The following ITIH4 variants were observed in gnomAD, a reference collection of about 807,000 sequenced individuals.
The protein encoded by ITIH4 is inter-alpha-trypsin inhibitor heavy chain 4, also known as inter-alpha-trypsin inhibitor heavy chain H4.
A neutral mutation model predicts 111.8 loss-of-function variants in ITIH4; 79 were observed. The observed-to-expected ratio is 0.71, with a 90% CI of 0.59 to 0.85. ITIH4 has a LOEUF of 0.85. Among genes scored for constraint, ITIH4 ranks in the 40% least tolerant of loss-of-function variants. ITIH4 has a pLI of 0.00. For missense variants in ITIH4, 1,065 were observed against 1,195.8 expected (o/e 0.89, Z 1.61); for synonymous variants, 472 against 468.3 (o/e 1.01, Z -0.10).
chr3:52,815,477 G>A (rs34288509), intron 21 of ITIH4, among the ~76,000 whole-genome samples: 1 of 151,648 alleles, frequency 6.6e-6, no homozygotes, highest in African/African-American at 2.4e-5. Flanking sequence ...CCTGACCTTA[G>A]GTGATCCACC....
At position 52,813,262 on chromosome 3, in the gene ITIH4, A is replaced by G. The variant is rs898691494; in HGVS notation, c.*159T>C. 6 of 676,088 alleles carry G rather than the reference A, an allele frequency of 8.9e-6. No individual in the cohort carries two copies. The highest frequency in any genetic ancestry group is 2.5e-5 in the Admixed American group (1 of 39,388). 41.9% of individuals were successfully genotyped at this position (676,088 alleles called of 1,614,324 possible). On this transcript the variant is annotated 3_prime_UTR_variant, in exon 24 of 24. Coordinates refer to ENST00000266041, the MANE Select transcript of ITIH4 (RefSeq NM_002218.5). ...GGTTGAGGCCCTAGGATTTGGCCAC[A>G]TGGAACTGGAGACACCCACTTCCCA...
Position 52,825,877 on chromosome 3 carries a change from T to C in ITIH4, c.759+9A>G, listed in dbSNP as rs373298850. The stretch of plus-strand genomic sequence containing the variant: ...TAGGCTGCTCTGCTCTTGCCTGAAG[T>C]CCACCCACCTGAATGGAGCCCCCGG... On this transcript the variant is annotated intron_variant, in intron 6 of 23. Coordinates refer to ENST00000266041, the MANE Select transcript of ITIH4 (RefSeq NM_002218.5). 10 of 1,612,558 alleles carry C rather than the reference T, an allele frequency of 6.2e-6. No homozygotes were observed. The highest frequency in any genetic ancestry group is 7.6e-6 in the Non-Finnish European group (9 of 1,179,328).
Position 52,824,916 on chromosome 3 carries a change from G to A in ITIH4, c.802C>T (p.Leu268=), listed in dbSNP as rs1700459175. The A allele has an allele frequency of 6.2e-7, 1 of 1,613,906 alleles. No individual in the cohort carries two copies. Among genetic ancestry groups the A allele is most frequent in the African/African-American group, 1.3e-5 (1 of 74,926 alleles). The change falls in exon 7 of 24, where the codon CTA becomes TTA. Residue 268 remains leucine, a synonymous_variant. Transcript: ENST00000266041. This position sits in a 1 kb window ranked among gnomAD's most constrained non-coding sequence, Gnocchi z 4.3. ...ACCACATTCTTGGGCATTGTGGTTA[G>A]GCCCTCGGGGGCAAAGTAGTGTACA... ...YFVHYFAPEG[L]TTMPKNVVFV...
Position 52,813,453 on chromosome 3 carries a change from C to T in ITIH4, c.2761G>A (p.Val921Met), listed in dbSNP as rs1275719887. Residue 921 changes from valine (V) to methionine (M), a missense_variant, in exon 24 of 24, where the codon GTG becomes ATG. By Grantham distance (21) the Val-to-Met change is conservative. Transcript: ENST00000266041. ...RLDYQEGPPG[V>M]EISCWSVEL Reference sequence around the variant, plus strand: ...TCCACAGACCAGCAGGAAATCTCCACTCCCGGGGGCCCCTCCTGGTAATCC... The same window carrying T: ...TCCACAGACCAGCAGGAAATCTCCATTCCCGGGGGCCCCTCCTGGTAATCC... 5 of 1,614,158 alleles carry T rather than the reference C, an allele frequency of 3.1e-6. No homozygotes were observed. Among genetic ancestry groups the T allele is most frequent in the Non-Finnish European group, 4.2e-6 (5 of 1,180,010 alleles).
chr3:52,818,595 A>T, intron 17 of ITIH4, 59 bp from the exon 18 acceptor site: 1 of 1,437,396 alleles, frequency 7.0e-7, no homozygotes, highest in Non-Finnish European at 9.6e-7. Flanking sequence ...GAGGCGGGCA[A>T]CCAGCAGCGC....
chr3:52,823,766 G>C, intron 10 of ITIH4, 25 bp from the exon 11 acceptor site: 1 of 1,614,030 alleles, frequency 6.2e-7, no homozygotes, highest in Non-Finnish European at 8.5e-7. Flanking sequence ...GTGTCATAAA[G>C]GCTGGGCTTT....
At position 52,818,472 on chromosome 3, in the gene ITIH4, C is replaced by G. The variant is rs2256734; in HGVS notation, c.2142G>C (p.Met714Ile). Residue 714 changes from methionine (M) to isoleucine (I), a missense_variant, in exon 18 of 24, where the codon ATG becomes ATC. By Grantham distance (10) the Met-to-Ile change is conservative. Transcript: ENST00000266041. ...PDPAVSRVMN[M>I]KIEETTMTTQ... is the part of the protein sequence containing the mutation. ...TGGCCTTGGGGGCACCTTCGATTTT[C>G]ATATTCATGACACGAGACACAGCTG... The G allele has an allele frequency of 0.032, 50,910 of 1,602,668 alleles. 7,437 individuals are homozygous for G. The African/African-American group carries it at 0.36, about 11-fold the overall frequency.
chr3:52,814,021 C>T lies in ITIH4; in HGVS notation c.2677G>A (p.Gly893Ser), dbSNP rs151083454. Residue 893 changes from glycine to serine, a missense_variant, in exon 23 of 24, where the codon GGC becomes AGC. Transcript: ENST00000266041. Reference protein sequence around the residue: ...LWGSPAASDDGRRTLRVQGND... With the variant: ...LWGSPAASDDSRRTLRVQGND... The stretch of plus-strand genomic sequence containing the variant: ...CCCTGAACCCTCAGCGTGCGTCTGC[C>T]GTCATCTGATGCTGCTGGAGATCCC... 5.7e-3 allele frequency: 9,266 copies of T among 1,613,802 alleles called. 62 individuals are homozygous for T. The highest frequency in any genetic ancestry group is 0.018 in the South Asian group (1,600 of 91,024).
intron 2 of ITIH4, among the ~76,000 whole-genome samples, chr3:52,827,856 G>A (rs952483632): frequency 6.6e-6 from 1 of 152,248 alleles, no homozygotes; most frequent in African/African-American, 2.4e-5. Flanking sequence ...AATGGCCCAG[G>A]CCATTTCTCA....
Position 52,816,890 on chromosome 3 carries a change from A to T in ITIH4, c.2465T>A (p.Met822Lys), listed in dbSNP as rs1337603057. The stretch of plus-strand genomic sequence containing the variant: ...GCTCCAGCCTGGGCCTTACCCGGGC[A>T]TCACTGAGAATAGCGTCTCCTTCCA... ...YKWKETLFSV[M>K]PGLKMTMDKT... Residue 822 changes from methionine to lysine, a missense_variant, in exon 21 of 24, where the codon ATG (methionine) becomes AAG (lysine). Coordinates refer to ENST00000266041, the MANE Select transcript of ITIH4 (RefSeq NM_002218.5). The T allele has an allele frequency of 6.2e-7, 1 of 1,613,416 alleles. No individual in the cohort carries two copies. The highest frequency in any genetic ancestry group is 1.7e-5 in the Admixed American group (1 of 59,940).
chr3:52,825,804 C>A, intron 6 of ITIH4, 82 bp downstream of exon 6: 1 of 1,486,482 alleles, frequency 6.7e-7, no homozygotes, highest in Non-Finnish European at 9.1e-7. Context: ...TGGTTCTTTT[C>A]CTGTTCTAAA....
chr3:52,822,498 A>G (rs964476679), intron 11 of ITIH4, among the ~76,000 whole-genome samples: 1 of 152,226 alleles, frequency 6.6e-6, no homozygotes, highest in African/African-American at 2.4e-5. Flanking sequence ...ACGGCCTCCA[A>G]GCTAAATCAC....
Position 52,824,650 on chromosome 3 carries a change from T to A in ITIH4, c.877-85A>T. 1 of 1,434,980 alleles carries A rather than the reference T, an allele frequency of 7.0e-7. No individual in the cohort carries two copies. The highest frequency in any genetic ancestry group is 1.9e-5 in the Admixed American group (1 of 52,286). 88.9% of individuals were successfully genotyped at this position (1,434,980 alleles called of 1,614,324 possible). On this transcript the variant is annotated intron_variant, in intron 7 of 23. Transcript: ENST00000266041. This position sits in a 1 kb window ranked among gnomAD's most constrained non-coding sequence, Gnocchi z 4.3. ...TAGGGCTGGCATCCTTGGACTCCTG[T>A]CTCAGGGGTGAGGTCATGGTATCTG...
In ITIH4 at chr3:52,814,977, C is replaced by A. The variant is rs115784791; in HGVS notation, c.2472-614G>T. ...CCACTCTGTCCCTTTTGTTCTACAG[C>A]TGGTGCACTCTCTTTGGATGACTTG... On this transcript the variant is annotated intron_variant, in intron 21 of 23. Transcript: ENST00000266041. Among the ~76,000 whole-genome samples, 205 of 152,356 alleles carry A rather than the reference C, an allele frequency of 1.3e-3. 2 individuals carry two copies. The highest frequency in any genetic ancestry group is 4.7e-3 in the African/African-American group (196 of 41,588).
intron 5 of ITIH4, among the ~76,000 whole-genome samples, 191 bp downstream of exon 5, chr3:52,826,350 C>G (rs4687658): frequency 0.25 from 37,333 of 152,150 alleles, 4,850 homozygotes; most frequent in Admixed American, 0.37. Context: ...ACGAGGACGC[C>G]ATGGTCCTTC....
chr3:52,830,647 G>C lies in ITIH4; in HGVS notation c.-5C>G. The C allele has an allele frequency of 6.2e-7, 1 of 1,600,748 alleles. No homozygotes were observed. The highest frequency in any genetic ancestry group is 8.5e-7 in the Non-Finnish European group (1 of 1,171,166). ...GACAGGCCTTGGGGGCTTCATCGTG[G>C]CTCCAGTGTCTGCCAGGAGGCTTCT... is the stretch of plus-strand genomic sequence containing the variant. On this transcript the variant is annotated 5_prime_UTR_variant, in exon 1 of 24. Transcript: ENST00000266041.
At chr3:52,823,479 G>A (rs1180779840) in intron 11 of ITIH4, 77 bp downstream of exon 11, 1 of 1,269,516 alleles carries the variant, frequency 7.9e-7, no homozygotes, top group Non-Finnish European at 1.1e-6. Context: ...GGGCAGGTCT[G>A]GGATTTGAGT....
rs749904046 is a variant in ITIH4, at chr3:52,820,954, C to T, written c.1679+37G>A. The T allele has an allele frequency of 1.6e-5, 26 of 1,605,086 alleles. No individual in the cohort carries two copies. The African/African-American group carries it at 1.7e-4, about 11-fold the overall frequency. ...TGTACCGTGCCACCTGTGCCTGCCC[C>T]CTAGCGACAGGCTTAGGGAGGTGCT... On this transcript the variant is annotated intron_variant, in intron 12 of 23. Transcript: ENST00000266041.
chr3:52,826,813 T>G lies in ITIH4; in HGVS notation c.497A>C (p.Gln166Pro). ...VYELLLKVRP[Q>P]QLVKHLQMDI... ...TACCTGCAGGTGCTTGACCAGCTGC[T>G]GGGGCCGCACTTTCAGCAGCAGCTC... The change falls in exon 4 of 24, where the codon CAG (glutamine) becomes CCG (proline). Residue 166 changes from glutamine (Q) to proline (P), a missense_variant. Physicochemically the swap from Gln to Pro is moderately conservative, Grantham distance 76. Coordinates refer to ENST00000266041, the MANE Select transcript of ITIH4 (RefSeq NM_002218.5). 1 of 1,613,806 alleles carries G rather than the reference T, an allele frequency of 6.2e-7. No homozygotes were observed.
Sources: gnomAD v4.1 joint callset for allele counts (sites outside exome capture counted in the v4.1 genomes callset) on GRCh38, gnomAD v4.1.1 for gene constraint, Gnocchi (gnomAD v3.1) non-coding constraint, MANE v1.5 for transcripts, NCBI Gene and HGNC (gene_info 2026-07-23, HGNC 2026-07-21) for gene names.